Variants in GPC5 observed in about 807,000 individuals in gnomAD.
The protein encoded by GPC5 is glypican-5.
In GPC5, 47 loss-of-function variants were observed where a neutral mutation model predicts 53.9. That is an observed-to-expected ratio of 0.87 (90% CI 0.69 to 1.11). The LOEUF (loss-of-function observed/expected upper bound fraction) is 1.11. GPC5 is among the 50% of genes most tolerant of loss of function. The probability of loss-of-function intolerance (pLI) is 0.00; values close to 1 mark genes in which losing one functional copy is unlikely to be tolerated. For missense variants in GPC5, 748 were observed against 713.1 expected (o/e 1.05, Z -0.56); for synonymous variants, 286 against 263.3 (o/e 1.09, Z -0.84).
intron 5 of GPC5, among the ~76,000 whole-genome samples, chr13:91,775,441 T>C (rs1452362076): frequency 5.3e-5 from 8 of 152,172 alleles, no homozygotes; most frequent in Non-Finnish European, 1.2e-4. Flanking sequence ...ATTCCCCACG[T>C]AGATGATTGT....
At chr13:91,745,423 C>G (rs555564072) in intron 4 of GPC5, among the ~76,000 whole-genome samples, 1 of 112,234 alleles carries the variant, frequency 8.9e-6, no homozygotes, top group South Asian at 3.4e-4. Context: ...AAAGAACTTT[C>G]TGCAAAGGGT....
At chr13:92,329,343 A>C (rs1014956031) in intron 7 of GPC5, among the ~76,000 whole-genome samples, 1 of 152,104 alleles carries the variant, frequency 6.6e-6, no homozygotes, top group African/African-American at 2.4e-5. Context: ...AGCAGGAACA[A>C]GAAGGAGAGA....
intron 7 of GPC5, among the ~76,000 whole-genome samples, chr13:92,434,439 A>G (rs572563349): frequency 6.6e-6 from 1 of 152,264 alleles, no homozygotes; most frequent in South Asian, 2.1e-4. Flanking sequence ...TTATAGTCCT[A>G]TATACTACAA....
At chr13:92,040,746 T>C (rs2040935370) in intron 6 of GPC5, among the ~76,000 whole-genome samples, 1 of 152,240 alleles carries the variant, frequency 6.6e-6, no homozygotes, top group African/African-American at 2.4e-5. Flanking sequence ...AACGTATGTA[T>C]AGCTCAAACC....
intron 5 of GPC5, among the ~76,000 whole-genome samples, chr13:91,855,318 G>A (rs7983950): frequency 0.013 from 1,922 of 151,656 alleles, 20 homozygotes; most frequent in African/African-American, 0.028. Context: ...TCATATCTAA[G>A]CAACGAAATT....
At chr13:92,269,815 G>A (rs1021181806) in intron 7 of GPC5, among the ~76,000 whole-genome samples, 1 of 152,136 alleles carries the variant, frequency 6.6e-6, no homozygotes, top group African/African-American at 2.4e-5. Flanking sequence ...GTTTTCGTTT[G>A]TTTTGTATTC....
chr13:91,823,551 C>T (rs1473829966), intron 5 of GPC5, among the ~76,000 whole-genome samples: 1 of 151,998 alleles, frequency 6.6e-6, no homozygotes, highest in South Asian at 2.1e-4. Flanking sequence ...AGCAGAGCTG[C>T]GAAAAGAACT....
intron 7 of GPC5, among the ~76,000 whole-genome samples, chr13:92,569,688 T>C (rs1882963831): frequency 6.6e-6 from 1 of 152,174 alleles, no homozygotes; most frequent in Non-Finnish European, 1.5e-5. Flanking sequence ...AATTCTGTTT[T>C]GCAAGTCTAG....
chr13:92,191,061 C>T (rs1413632176), intron 7 of GPC5, among the ~76,000 whole-genome samples: 6 of 152,074 alleles, frequency 3.9e-5, no homozygotes, highest in African/African-American at 1.2e-4. Flanking sequence ...GTAACTGAGA[C>T]TAGCTATGTT....
chr13:91,488,096 C>A lies in GPC5; in HGVS notation c.325+39174C>A, dbSNP rs193229918. On this transcript the variant is annotated intron_variant, in intron 2 of 7. Coordinates refer to ENST00000377067, the MANE Select transcript of GPC5 (RefSeq NM_004466.6). ...AAGAGAGAAATACATATATGTATGA[C>A]CCAGAGGGTATATACAATGGGAGAA... Among the ~76,000 whole-genome samples the A allele has an allele frequency of 1.7e-3, 254 of 152,024 alleles. 2 individuals carry two copies. The highest frequency in any genetic ancestry group is 3.4e-3 in the Middle Eastern group (1 of 294).
chr13:91,795,894 T>A (rs1683873121), intron 5 of GPC5, among the ~76,000 whole-genome samples: 1 of 152,216 alleles, frequency 6.6e-6, no homozygotes, highest in African/African-American at 2.4e-5. Flanking sequence ...TTCCTTATCC[T>A]TATTTGTGAG....
At chr13:91,570,982 T>C (rs1337715361) in intron 2 of GPC5, among the ~76,000 whole-genome samples, 1 of 152,106 alleles carries the variant, frequency 6.6e-6, no homozygotes, top group African/African-American at 2.4e-5. Flanking sequence ...GCCTCAGTAG[T>C]TTTTTGTTTT....
intron 6 of GPC5, among the ~76,000 whole-genome samples, chr13:91,942,547 A>T (rs2139047174): frequency 6.6e-6 from 1 of 152,210 alleles, no homozygotes; most frequent in East Asian, 1.9e-4. Context: ...TTTCAAAATC[A>T]ATAAAAACTC....
intron 7 of GPC5, among the ~76,000 whole-genome samples, chr13:92,385,649 A>G (rs775108399): frequency 3.5e-5 from 5 of 142,780 alleles, no homozygotes; most frequent in Non-Finnish European, 6.0e-5. Context: ...ATACCTATAT[A>G]CACATATATA....
intron 7 of GPC5, among the ~76,000 whole-genome samples, chr13:92,393,776 T>C (rs1244163013): frequency 6.6e-6 from 1 of 152,150 alleles, no homozygotes; most frequent in Non-Finnish European, 1.5e-5. Context: ...ACTTAACACC[T>C]GAGTGATGAA....
At chr13:91,465,605 CTT>C (rs1882186008) in intron 2 of GPC5, among the ~76,000 whole-genome samples, 1 of 152,084 alleles carries the variant, frequency 6.6e-6, no homozygotes, top group Non-Finnish European at 1.5e-5. Context: ...CTTTGTAACT[CTT>C]GTATTTTGTA....
At position 92,431,297 on chromosome 13, in the gene GPC5, A is replaced by G. The variant is rs1379716327; in HGVS notation, c.1561+286308A>G. Among the ~76,000 whole-genome samples the G allele has an allele frequency of 5.3e-5, 8 of 152,278 alleles. No individual in the cohort carries two copies. The East Asian group carries it at 1.5e-3, about 29-fold the overall frequency. On this transcript the variant is annotated intron_variant, in intron 7 of 7. Transcript: ENST00000377067. ...GTAAGCACATAAATATATACAATAA[A>G]AGATAATTTAAGGTAATGATTACTA...
chr13:92,496,418 A>G (rs1879983429), intron 7 of GPC5, among the ~76,000 whole-genome samples: 1 of 152,240 alleles, frequency 6.6e-6, no homozygotes, highest in Non-Finnish European at 1.5e-5. Context: ...ACAAATACAC[A>G]GTATGTGTCA....
At chr13:92,514,059 A>G (rs1325384698) in intron 7 of GPC5, among the ~76,000 whole-genome samples, 3 of 151,984 alleles carry the variant, frequency 2.0e-5, no homozygotes, top group African/African-American at 7.3e-5. Flanking sequence ...CAGTAAAAAG[A>G]AAGGGAGTAA....
Sources: allele counts gnomAD v4.1 joint callset (sites outside exome capture counted in the v4.1 genomes callset), GRCh38; gene constraint gnomAD v4.1.1; transcripts MANE v1.5; gene names NCBI Gene and HGNC (gene_info 2026-07-23, HGNC 2026-07-21).